Variants in DAW1 observed in about 807,000 individuals in gnomAD.
DAW1 encodes the protein dynein assembly factor with WD repeats 1, also known as dynein assembly factor with WD repeat domains 1.
DAW1 carries 47 observed loss-of-function variants against 56.5 expected under a neutral mutation model. That is an observed-to-expected ratio of 0.83 (90% CI 0.66 to 1.06). The LOEUF is 1.06. Among genes scored for constraint, DAW1 ranks in the 50% least tolerant of loss-of-function variants. The pLI is 0.00. For synonymous variants in DAW1, 190 were observed against 179.0 expected, an observed-to-expected ratio of 1.06 and a Z score of -0.49; for missense variants, 505 against 499.3, an observed-to-expected ratio of 1.01 and a Z score of -0.11.
intron 6 of DAW1, 61 bp from the exon 7 acceptor site, chr2:227,902,941 T>G (rs1691581175): frequency 1.3e-6 from 2 of 1,508,664 alleles, no homozygotes; most frequent in Non-Finnish European, 1.8e-6. Context: ...AGATTTTCTG[T>G]GTATAATTAA....
chr2:227,895,273 G>A (rs1039925287), intron 5 of DAW1, among the ~76,000 whole-genome samples: 5 of 152,196 alleles, frequency 3.3e-5, no homozygotes, highest in African/African-American at 7.2e-5. Context: ...GTGGCCTCTT[G>A]TGAAAAGATT....
chr2:227,906,478 T>A (rs1286411322), intron 9 of DAW1, 140 bp downstream of exon 9: 4 of 675,940 alleles, frequency 5.9e-6, no homozygotes, highest in Non-Finnish European at 2.1e-6. Context: ...TGGTAATTTT[T>A]AAAATTTCTA....
At chr2:227,876,497 G>A (rs1574645825) in intron 1 of DAW1, 1 of 1,301,548 alleles carries the variant, frequency 7.7e-7, no homozygotes, top group African/African-American at 1.5e-5. Context: ...AATAGCAGGT[G>A]GGTGTTTCAA....
chr2:227,904,805 A>C, intron 7 of DAW1, 124 bp from the exon 8 acceptor site: 6 of 816,390 alleles, frequency 7.3e-6, no homozygotes, highest in South Asian at 1.8e-5. Flanking sequence ...CACCCCAGCC[A>C]ACCGCTGACC....
Position 227,889,841 on chromosome 2 carries a change from T to G in DAW1, c.114-15T>G. On this transcript the variant is annotated splice_polypyrimidine_tract_variant and intron_variant, in intron 2 of 12. Transcript: ENST00000309931. ...GACATAAAATAAAAGAAACTCTTTTTTGGGTGTATTTCAGCACTGATGTCA... is the reference window on the plus strand; with the variant it reads ...GACATAAAATAAAAGAAACTCTTTTGTGGGTGTATTTCAGCACTGATGTCA... The G allele has an allele frequency of 6.5e-7, 1 of 1,544,744 alleles. No homozygotes were observed. Among genetic ancestry groups the G allele is most frequent in the Non-Finnish European group, 8.7e-7 (1 of 1,154,144 alleles).
intron 1 of DAW1, among the ~76,000 whole-genome samples, chr2:227,878,608 G>T (rs1482759589): frequency 6.6e-6 from 1 of 152,104 alleles, no homozygotes; most frequent in Non-Finnish European, 1.5e-5. Flanking sequence ...TATAGTCCTA[G>T]CTACTCAAGA....
chr2:227,890,332 A>G (rs553079113), intron 3 of DAW1, among the ~76,000 whole-genome samples: 4 of 152,318 alleles, frequency 2.6e-5, no homozygotes, highest in African/African-American at 9.6e-5. Context: ...GTTGTGTTTT[A>G]TGACAAATCA....
chr2:227,893,097 A>G (rs7421577), intron 4 of DAW1, among the ~76,000 whole-genome samples: 133,788 of 151,416 alleles, frequency 0.88, 59,100 homozygotes, highest in Middle Eastern at 0.96. Context: ...GTGAAACCCC[A>G]TCTCTACTAA....
intron 11 of DAW1, among the ~76,000 whole-genome samples, chr2:227,919,497 T>C (rs1559315845): frequency 6.6e-6 from 1 of 152,186 alleles, no homozygotes; most frequent in Non-Finnish European, 1.5e-5. Context: ...GGTAAACACA[T>C]AAGTTTATGT....
chr2:227,888,699 T>C (rs918301444), intron 2 of DAW1, among the ~76,000 whole-genome samples: 1 of 152,248 alleles, frequency 6.6e-6, no homozygotes, highest in Non-Finnish European at 1.5e-5. Flanking sequence ...GGAATCTGCA[T>C]AGTGCATCTT....
chr2:227,918,120 TTCTC>T (rs1183729640), intron 10 of DAW1, among the ~76,000 whole-genome samples: 1 of 101,228 alleles, frequency 9.9e-6, no homozygotes, highest in African/African-American at 3.4e-5. Context: ...TTCCATCCAT[TTCTC>T]CATCCATCCA....
intron 10 of DAW1, among the ~76,000 whole-genome samples, chr2:227,916,023 A>C (rs751258053): frequency 6.6e-6 from 1 of 152,148 alleles, no homozygotes. Context: ...TATCAGTCAC[A>C]TATTTCTAAT....
intron 1 of DAW1, among the ~76,000 whole-genome samples, chr2:227,877,446 C>T (rs1456514090): frequency 2.0e-5 from 3 of 152,254 alleles, no homozygotes; most frequent in South Asian, 2.1e-4. Flanking sequence ...AGCCACTGCT[C>T]CCGGACTCTT....
chr2:227,895,861 A>G (rs1263440706), intron 5 of DAW1, among the ~76,000 whole-genome samples: 2 of 152,176 alleles, frequency 1.3e-5, no homozygotes, highest in Non-Finnish European at 2.9e-5. Flanking sequence ...TGTGAGAAGA[A>G]ACAAGACACA....
In DAW1 at chr2:227,924,074, G is replaced by T. The variant is rs565273945; in HGVS notation, c.*106G>T. On this transcript the variant is annotated 3_prime_UTR_variant, in exon 13 of 13. Coordinates refer to ENST00000309931, the MANE Select transcript of DAW1 (RefSeq NM_178821.3). ...TATTTCTTATACTTTCTCTTTTTCT[G>T]CAAGTCAACTATTTCTACAACTGTC... 385 of 1,335,488 alleles carry T rather than the reference G, an allele frequency of 2.9e-4. 1 individual carries two copies. The African/African-American group carries it at 5.1e-3, about 18-fold the overall frequency. 82.7% of individuals were successfully genotyped at this position (1,335,488 alleles called of 1,614,324 possible). A position where few individuals can be genotyped will look rare whatever the true frequency, so the allele number is the denominator to read the frequency against.
intron 10 of DAW1, among the ~76,000 whole-genome samples, chr2:227,917,788 C>T (rs928581093): frequency 1.1e-4 from 16 of 151,872 alleles, no homozygotes; most frequent in African/African-American, 3.4e-4. Context: ...ATTTTTTAAT[C>T]ACATTAATTC....
At chr2:227,891,976 T>C (rs997164265) in intron 4 of DAW1, among the ~76,000 whole-genome samples, 11 of 152,196 alleles carry the variant, frequency 7.2e-5, no homozygotes, top group African/African-American at 2.6e-4. Flanking sequence ...CTTCTGGTGG[T>C]TTGCTGGCAA....
chr2:227,891,559 C>G (rs1691268894), intron 4 of DAW1, among the ~76,000 whole-genome samples: 1 of 152,134 alleles, frequency 6.6e-6, no homozygotes, highest in Non-Finnish European at 1.5e-5. Flanking sequence ...AAGAACTCAA[C>G]TCAGGAATGA....
chr2:227,878,821 T>C (rs1212194870), intron 1 of DAW1, among the ~76,000 whole-genome samples: 4 of 151,518 alleles, frequency 2.6e-5, no homozygotes, highest in Non-Finnish European at 4.4e-5. Context: ...TTTTTTTTTT[T>C]TTTTTGCCCA....
Sources: allele counts gnomAD v4.1 joint callset (sites outside exome capture counted in the v4.1 genomes callset), GRCh38; gene constraint gnomAD v4.1.1; transcripts MANE v1.5; gene names NCBI Gene and HGNC (gene_info 2026-07-23, HGNC 2026-07-21).